Variants in ANKRD44 observed in about 807,000 individuals in gnomAD.
The protein encoded by ANKRD44 is ankyrin repeat domain 44.
In ANKRD44, 35 loss-of-function variants were observed where a neutral mutation model predicts 116.0. That is an observed-to-expected ratio of 0.30 (90% confidence interval 0.23 to 0.40). The LOEUF is 0.40. Among genes scored for constraint, ANKRD44 ranks in the 10% least tolerant of loss-of-function variants. The pLI is 1.00. For missense variants in ANKRD44, 1,014 were observed against 1,242.6 expected (o/e 0.82, Z 2.77); for synonymous variants, 435 against 461.8 (o/e 0.94, Z 0.74).
At chr2:197,193,298 C>G (rs1419235010) in intron 1 of ANKRD44, among the ~76,000 whole-genome samples, 1 of 152,112 alleles carries the variant, frequency 6.6e-6, no homozygotes, top group Non-Finnish European at 1.5e-5. Context: ...CACCCTCACC[C>G]GATGGCCAAC....
intron 1 of ANKRD44, among the ~76,000 whole-genome samples, chr2:197,204,718 C>T (rs1356419928): frequency 6.6e-6 from 1 of 152,182 alleles, no homozygotes; most frequent in Non-Finnish European, 1.5e-5. Context: ...CATCTGTGGA[C>T]CGGATGTAGC....
At chr2:197,105,866 G>A (rs922597275) in intron 9 of ANKRD44, among the ~76,000 whole-genome samples, 2 of 152,162 alleles carry the variant, frequency 1.3e-5, no homozygotes, top group Admixed American at 6.5e-5. Context: ...CCCAGCTGTC[G>A]AGCTGATCCA....
At chr2:197,130,885 T>C (rs1432148197) in intron 4 of ANKRD44, among the ~76,000 whole-genome samples, 3 of 152,174 alleles carry the variant, frequency 2.0e-5, no homozygotes, top group African/African-American at 7.2e-5. Context: ...TGTATACCAG[T>C]TGGGTCTTCT....
intron 1 of ANKRD44, among the ~76,000 whole-genome samples, chr2:197,293,749 A>G (rs970635700): frequency 6.6e-6 from 1 of 152,190 alleles, no homozygotes; most frequent in South Asian, 2.1e-4. Context: ...CGATGAGGCA[A>G]TATCCTTATG....
At chr2:197,195,178 G>A (rs910896152) in intron 1 of ANKRD44, among the ~76,000 whole-genome samples, 9 of 152,038 alleles carry the variant, frequency 5.9e-5, no homozygotes, top group Non-Finnish European at 1.0e-4. Flanking sequence ...ACAGGGTCTC[G>A]CTATGTTGCC....
downstream of ANKRD44, among the ~76,000 whole-genome samples, chr2:196,986,404 A>G (rs898449564): frequency 6.6e-6 from 1 of 151,932 alleles, no homozygotes; most frequent in South Asian, 2.1e-4. Flanking sequence ...AACAGAGCAG[A>G]AAAAAACAAA....
At chr2:197,144,843 G>A (rs1233714082) in intron 3 of ANKRD44, among the ~76,000 whole-genome samples, 2 of 152,150 alleles carry the variant, frequency 1.3e-5, no homozygotes, top group Non-Finnish European at 2.9e-5. Flanking sequence ...AAAAAAAAGA[G>A]ACTGGTTGAC....
intron 1 of ANKRD44, among the ~76,000 whole-genome samples, chr2:197,190,607 T>C (rs2080799471): frequency 6.6e-6 from 1 of 152,218 alleles, no homozygotes; most frequent in Admixed American, 6.5e-5. Context: ...GAGATCCTGC[T>C]GTTTTATTTT....
chr2:197,204,918 G>A (rs139281741), intron 1 of ANKRD44, among the ~76,000 whole-genome samples: 108 of 152,370 alleles, frequency 7.1e-4, no homozygotes, highest in Admixed American at 2.4e-3. Context: ...TGTTATCAGA[G>A]AAGCAGAATG....
intron 1 of ANKRD44, among the ~76,000 whole-genome samples, chr2:197,308,780 C>T (rs924221007): frequency 1.3e-5 from 2 of 152,338 alleles, no homozygotes; most frequent in East Asian, 1.9e-4. Context: ...TAATACACTT[C>T]TCACTAGGGT....
intron 16 of ANKRD44, among the ~76,000 whole-genome samples, chr2:197,046,073 T>C (rs1026483712): frequency 2.0e-5 from 3 of 152,192 alleles, no homozygotes; most frequent in Non-Finnish European, 4.4e-5. Context: ...TGAATATTTT[T>C]CCCATCTACT....
At chr2:197,102,452 T>C (rs1433221719) in intron 9 of ANKRD44, among the ~76,000 whole-genome samples, 1 of 152,194 alleles carries the variant, frequency 6.6e-6, no homozygotes, top group African/African-American at 2.4e-5. Context: ...GAGAGGCACT[T>C]TTCCTTATAG....
At chr2:197,255,266 C>T (rs975237291) in intron 1 of ANKRD44, among the ~76,000 whole-genome samples, 11 of 152,198 alleles carry the variant, frequency 7.2e-5, no homozygotes, top group Admixed American at 3.3e-4. Context: ...TATGGGGTTA[C>T]GCTTCCTGGG....
chr2:196,985,914 A>C (rs2075833362), downstream of ANKRD44, among the ~76,000 whole-genome samples: 1 of 152,196 alleles, frequency 6.6e-6, no homozygotes. Flanking sequence ...GCAGAGATGG[A>C]GGTTCTTGTG....
chr2:197,179,033 C>T (rs147023930), intron 2 of ANKRD44, among the ~76,000 whole-genome samples: 198 of 151,680 alleles, frequency 1.3e-3, no homozygotes, highest in African/African-American at 4.3e-3. Context: ...ACCACACCAC[C>T]GCACTCCAAT....
chr2:197,186,327 G>A (rs955090171), intron 2 of ANKRD44, among the ~76,000 whole-genome samples: 1 of 152,154 alleles, frequency 6.6e-6, no homozygotes, highest in Non-Finnish European at 1.5e-5. Context: ...ATCAGTAACT[G>A]TAATGCTGTC....
At position 197,121,475 on chromosome 2, in the gene ANKRD44, C is replaced by T. The variant is rs758377245; in HGVS notation, c.763G>A (p.Val255Ile). The T allele has an allele frequency of 5.6e-6, 9 of 1,614,192 alleles. No individual in the cohort carries two copies. The highest frequency in any genetic ancestry group is 7.6e-6 in the Non-Finnish European group (9 of 1,180,042). Residue 255 changes from valine (V) to isoleucine (I), a missense_variant, in exon 8 of 28, where the codon GTT (valine) becomes ATT (isoleucine). Physicochemically the swap from Val to Ile is conservative, Grantham distance 29. Transcript: ENST00000282272. ...IACYNGQDAVVNELIDYGANV... is the reference protein window; with the variant it reads ...IACYNGQDAVINELIDYGANV... Reference sequence around the variant, plus strand: ...GCACCGTAGTCAATCAACTCGTTAACCACAGCATCCTGTCCATTGTAGCAG... The same window carrying T: ...GCACCGTAGTCAATCAACTCGTTAATCACAGCATCCTGTCCATTGTAGCAG...
intron 21 of ANKRD44, among the ~76,000 whole-genome samples, chr2:197,003,723 C>A (rs970464713): frequency 3.9e-5 from 6 of 152,094 alleles, no homozygotes; most frequent in African/African-American, 1.2e-4. Flanking sequence ...GTCAGGTTTG[C>A]GGCCCGCCAT....
At chr2:197,274,234 G>C (rs966500475) in intron 1 of ANKRD44, among the ~76,000 whole-genome samples, 1 of 151,940 alleles carries the variant, frequency 6.6e-6, no homozygotes, top group Non-Finnish European at 1.5e-5. Flanking sequence ...GGAAGTTAGT[G>C]AAAATTCTCT....
Sources: gnomAD v4.1 joint callset for allele counts (sites outside exome capture counted in the v4.1 genomes callset) on GRCh38, gnomAD v4.1.1 for gene constraint, MANE v1.5 for transcripts, NCBI Gene and HGNC (gene_info 2026-07-23, HGNC 2026-07-21) for gene names.